STAT4: variants seen among roughly 807,000 people sequenced by gnomAD.
The protein encoded by STAT4 is signal transducer and activator of transcription 4.
Under a neutral mutation model 110.5 loss-of-function variants are expected in STAT4, and 42 were observed. That is an observed-to-expected ratio of 0.38 (90% CI 0.30 to 0.49). STAT4 has a LOEUF of 0.49. STAT4 is among the 20% of genes least tolerant of loss of function. The pLI, the probability that STAT4 is intolerant of heterozygous loss-of-function variation, is 0.95. For missense variants in STAT4, 632 were observed against 887.9 expected (o/e 0.71, Z 3.66); for synonymous variants, 284 against 302.2 (o/e 0.94, Z 0.63).
In STAT4 at chr2:191,066,708, A is replaced by G. The variant is rs1696997321; in HGVS notation, c.545-193T>C. ...AGAATCACATCCAAGCATGCAAAAA[A>G]GGACCTCTTTATTTTAGAGCTTCAG... On this transcript the variant is annotated intron_variant, in intron 6 of 23. Coordinates refer to ENST00000392320, the MANE Select transcript of STAT4 (RefSeq NM_003151.4). The surrounding 1 kb of genome is among the most constrained non-coding windows in gnomAD (Gnocchi z 4.3). Among the ~76,000 whole-genome samples the G allele has an allele frequency of 6.6e-6, 1 of 152,186 alleles. No individual in the cohort carries two copies. Among genetic ancestry groups the G allele is most frequent in the Non-Finnish European group, 1.5e-5 (1 of 68,022 alleles).
At chr2:191,137,245 G>A (rs968397307) in intron 3 of STAT4, among the ~76,000 whole-genome samples, 6 of 152,088 alleles carry the variant, frequency 3.9e-5, no homozygotes, top group African/African-American at 1.4e-4. Flanking sequence ...CTTCTCGGGA[G>A]GCTGAGGCAG....
intron 3 of STAT4, among the ~76,000 whole-genome samples, chr2:191,118,385 T>C (rs1430076571): frequency 6.6e-6 from 1 of 152,202 alleles, no homozygotes; most frequent in African/African-American, 2.4e-5. Flanking sequence ...AATTGGGGCC[T>C]ATTTTTTAAA....
In STAT4 at chr2:191,140,990, G is replaced by GA. The variant is rs1434903964; in HGVS notation, c.273+5622dup. 6.6e-6 allele frequency among the ~76,000 whole-genome samples: 1 copy of GA among 152,034 alleles called. No homozygotes were observed. Among genetic ancestry groups the GA allele is most frequent in the African/African-American group, 2.4e-5 (1 of 41,386 alleles). On this transcript the variant is annotated intron_variant, in intron 3 of 23. Coordinates refer to ENST00000392320, the MANE Select transcript of STAT4 (RefSeq NM_003151.4). This position sits in a 1 kb window ranked among gnomAD's most constrained non-coding sequence, Gnocchi z 4.4. ...TTCTAAGTGAAGTAACTCATAAATG[G>GA]AAAACCAAATATCATATGTTCTCAC... is the stretch of plus-strand genomic sequence containing the variant.
chr2:191,114,041 T>G (rs893009407), intron 3 of STAT4, among the ~76,000 whole-genome samples: 2 of 152,224 alleles, frequency 1.3e-5, no homozygotes, highest in Admixed American at 6.5e-5. Flanking sequence ...AGGAAGCTGC[T>G]GTTATAATTT....
chr2:191,137,138 T>A (rs2125435061), intron 3 of STAT4, among the ~76,000 whole-genome samples: 1 of 151,722 alleles, frequency 6.6e-6, no homozygotes, highest in South Asian at 2.1e-4. Context: ...AGGTCAGGAG[T>A]CTGAGACCAA....
rs1417227650 is a variant in STAT4 at position 191,099,623 on chromosome 2, CAT to C, written c.274-23300_274-23299del. Among the ~76,000 whole-genome samples, 1 of 152,096 alleles carries C rather than the reference CAT, an allele frequency of 6.6e-6. No individual in the cohort carries two copies. The highest frequency in any genetic ancestry group is 1.9e-4 in the East Asian group (1 of 5,200). On this transcript the variant is annotated intron_variant, in intron 3 of 23. Coordinates refer to ENST00000392320, the MANE Select transcript of STAT4 (RefSeq NM_003151.4). The surrounding 1 kb of genome is among the most constrained non-coding windows in gnomAD (Gnocchi z 4.1). ...TTTACAAAATTTCATAAACAACACACATGTACACATTATATTTTTAAAAATAT... is the reference window on the plus strand; with the variant it reads ...TTTACAAAATTTCATAAACAACACACGTACACATTATATTTTTAAAAATAT...
intron 4 of STAT4, among the ~76,000 whole-genome samples, chr2:191,074,680 A>G (rs925310676): frequency 6.6e-6 from 1 of 152,214 alleles, no homozygotes; most frequent in African/African-American, 2.4e-5. Context: ...AAAGTATCTT[A>G]ATTTTTACCC....
chr2:191,145,543 T>C (rs908219175), intron 3 of STAT4, among the ~76,000 whole-genome samples: 1 of 152,214 alleles, frequency 6.6e-6, no homozygotes. Context: ...AATCCTGTTT[T>C]GTCGGCAATA....
intron 3 of STAT4, among the ~76,000 whole-genome samples, chr2:191,102,009 C>CA (rs375992041): frequency 7.1e-6 from 1 of 141,158 alleles, no homozygotes; most frequent in Non-Finnish European, 1.6e-5. Context: ...TTTGCCCAAC[C>CA]TTTTTTTTTT....
intron 3 of STAT4, among the ~76,000 whole-genome samples, chr2:191,119,054 C>T (rs963177010): frequency 7.9e-5 from 12 of 152,274 alleles, no homozygotes; most frequent in Middle Eastern, 3.4e-3. Flanking sequence ...GTTTGAGCCA[C>T]GATGCCCAGC....
intron 17 of STAT4, among the ~76,000 whole-genome samples, chr2:191,034,909 A>C (rs762809018): frequency 4.6e-5 from 7 of 152,220 alleles, no homozygotes; most frequent in Non-Finnish European, 7.3e-5. Flanking sequence ...CCAGAGAGCA[A>C]GAGTAATATA....
chr2:191,125,805 G>T (rs1044496973), intron 3 of STAT4, among the ~76,000 whole-genome samples: 1 of 152,042 alleles, frequency 6.6e-6, no homozygotes, highest in African/African-American at 2.4e-5. Context: ...TATTGAAAGG[G>T]AGTGCGGGGA....
In STAT4 at chr2:191,047,796, G is replaced by C. The variant is rs193170344; in HGVS notation, c.1252-6648C>G. Among the ~76,000 whole-genome samples the C allele has an allele frequency of 7.1e-4, 108 of 152,294 alleles. 1 individual carries two copies. Among genetic ancestry groups the C allele is most frequent in the Admixed American group, 5.9e-3 (90 of 15,292 alleles). ...TTCTCCTGCCTCAGCCTCCTGAGTAGCTGGGACTATGGGCGTGCGCCATTA... is the reference window on the plus strand; with the variant it reads ...TTCTCCTGCCTCAGCCTCCTGAGTACCTGGGACTATGGGCGTGCGCCATTA... On this transcript the variant is annotated intron_variant, in intron 14 of 23. Transcript: ENST00000392320.
At chr2:191,079,897 T>A (rs186932919) in intron 3 of STAT4, among the ~76,000 whole-genome samples, 1 of 152,296 alleles carries the variant, frequency 6.6e-6, no homozygotes, top group African/African-American at 2.4e-5. Flanking sequence ...GCAACAAATA[T>A]GTATTTTGCA....
chr2:191,102,713 A>C (rs1698177179), intron 3 of STAT4, among the ~76,000 whole-genome samples: 1 of 152,196 alleles, frequency 6.6e-6, no homozygotes. Flanking sequence ...ATGTCAAGAT[A>C]AGGCATTGAA....
intron 3 of STAT4, among the ~76,000 whole-genome samples, chr2:191,141,019 T>C (rs1411000550): frequency 6.6e-6 from 1 of 151,802 alleles, no homozygotes; most frequent in Non-Finnish European, 1.5e-5. Context: ...TTCTCACAAG[T>C]GGGAGCTAAG....
intron 3 of STAT4, among the ~76,000 whole-genome samples, chr2:191,097,923 A>AC (rs1222883323): frequency 6.6e-6 from 1 of 151,592 alleles, no homozygotes; most frequent in East Asian, 1.9e-4. Context: ...AGAAAAAAAA[A>AC]CCAACCAACC....
At chr2:191,128,009 T>G (rs1485013498) in intron 3 of STAT4, among the ~76,000 whole-genome samples, 2 of 152,236 alleles carry the variant, frequency 1.3e-5, no homozygotes, top group East Asian at 1.9e-4. Flanking sequence ...CAAATTGTGA[T>G]GCACACCATC....
Position 191,033,189 on chromosome 2 carries a change from ACACATTCCT to A in STAT4, c.1853-49_1853-41del, listed in dbSNP as rs757112109. On this transcript the variant is annotated intron_variant, in intron 20 of 23. Coordinates refer to ENST00000392320, the MANE Select transcript of STAT4 (RefSeq NM_003151.4). The surrounding 1 kb of genome is among the most constrained non-coding windows in gnomAD (Gnocchi z 6.9). ...ATTGGAGAAATATACAGGTTCCTGT[ACACATTCCT>A]TGTGACCATTTCTTCCCTGCCCACA... is the stretch of plus-strand genomic sequence containing the variant. 6.3e-6 allele frequency: 10 copies of A among 1,587,512 alleles called. No individual in the cohort carries two copies. In the East Asian group the frequency reaches 2.2e-4, roughly 35 times the overall value.
Sources: gnomAD v4.1 joint callset for allele counts (sites outside exome capture counted in the v4.1 genomes callset) on GRCh38, gnomAD v4.1.1 for gene constraint, Gnocchi (gnomAD v3.1) non-coding constraint, MANE v1.5 for transcripts, NCBI Gene and HGNC (gene_info 2026-07-23, HGNC 2026-07-21) for gene names.